The following SSBP3 variants were observed in gnomAD, a reference collection of about 807,000 sequenced individuals.
SSBP3 encodes single stranded DNA binding protein 3.
A neutral mutation model predicts 69.6 loss-of-function variants in SSBP3; 5 were observed. The observed-to-expected ratio is 0.07, with a 90% confidence interval of 0.04 to 0.15. The LOEUF is 0.15. SSBP3 is among the 10% of genes least tolerant of loss of function. SSBP3 has a pLI of 1.00. For synonymous variants in SSBP3, 196 were observed against 193.4 expected, an observed-to-expected ratio of 1.01 and a Z score of -0.11; for missense variants, 312 against 534.0, an observed-to-expected ratio of 0.58 and a Z score of 4.10.
intron 4 of SSBP3, among the ~76,000 whole-genome samples, chr1:54,350,042 A>G (rs933789032): frequency 1.3e-5 from 2 of 152,020 alleles, no homozygotes; most frequent in African/African-American, 4.8e-5. Flanking sequence ...TTCCACCTCT[A>G]TTGGCTGTGC....
chr1:54,406,146 C>T, exon 1 of SSBP3: 1 of 599,726 alleles, frequency 1.7e-6, no homozygotes, highest in Non-Finnish European at 2.6e-6. Flanking sequence ...GCGCTCTCCT[C>T]GCCGCGCTCC....
At chr1:54,332,590 G>A (rs922140159) in intron 4 of SSBP3, among the ~76,000 whole-genome samples, 1 of 152,126 alleles carries the variant, frequency 6.6e-6, no homozygotes, top group Non-Finnish European at 1.5e-5. Flanking sequence ...CTAGCTATGT[G>A]GCCTCTAAGA....
intron 5 of SSBP3, among the ~76,000 whole-genome samples, chr1:54,266,111 G>T (rs887321183): frequency 6.6e-6 from 1 of 152,226 alleles, no homozygotes; most frequent in African/African-American, 2.4e-5. Context: ...GCTTGCCAGC[G>T]CCTCTTTCTC....
intron 4 of SSBP3, among the ~76,000 whole-genome samples, chr1:54,369,320 C>T (rs559049068): frequency 3.7e-4 from 46 of 122,746 alleles, no homozygotes; most frequent in African/African-American, 1.7e-3. Flanking sequence ...GGTGGGGGGG[C>T]ACAAACTGGG....
Position 54,241,061 on chromosome 1 carries a change from G to T in SSBP3, c.802-102C>A. The T allele has an allele frequency of 4.0e-6, 5 of 1,258,842 alleles. No individual in the cohort carries two copies. In the South Asian group the frequency reaches 7.2e-5, roughly 18 times the overall value. 78.0% of individuals were successfully genotyped at this position (1,258,842 alleles called of 1,614,324 possible). A position where few individuals can be genotyped will look rare whatever the true frequency, so the allele number is the denominator to read the frequency against. The stretch of plus-strand genomic sequence containing the variant: ...TGGTCAGCAGCAACTGCTCGCCCCA[G>T]GCCCAGCCGCTATTCATCTTGCTAC... On this transcript the variant is annotated intron_variant, in intron 12 of 17. Transcript: ENST00000610401.
At chr1:54,379,911 C>T (rs1484768376) in intron 4 of SSBP3, among the ~76,000 whole-genome samples, 1 of 152,232 alleles carries the variant, frequency 6.6e-6, no homozygotes. Context: ...ACGAGGCTTT[C>T]ACTCTGTGCC....
chr1:54,359,000 C>T (rs1037580124), intron 4 of SSBP3, among the ~76,000 whole-genome samples: 4 of 152,050 alleles, frequency 2.6e-5, no homozygotes, highest in African/African-American at 9.7e-5. Context: ...CAACTCCAGG[C>T]GCTTCAAAGG....
chr1:54,304,281 A>G (rs1303281978), intron 4 of SSBP3, among the ~76,000 whole-genome samples: 1 of 152,096 alleles, frequency 6.6e-6, no homozygotes, highest in Non-Finnish European at 1.5e-5. Context: ...CCATGCTGAA[A>G]AGGGAGCTGG....
At chr1:54,233,159 A>C (rs1451393098) in intron 14 of SSBP3, among the ~76,000 whole-genome samples, 4 of 120,544 alleles carry the variant, frequency 3.3e-5, no homozygotes, top group East Asian at 2.6e-4. Flanking sequence ...GGCCGCCATC[A>C]CATCTAGGAA....
chr1:54,269,186 A>G (rs1645151976), intron 5 of SSBP3, among the ~76,000 whole-genome samples: 1 of 152,126 alleles, frequency 6.6e-6, no homozygotes, highest in Non-Finnish European at 1.5e-5. Context: ...TACAACACGT[A>G]AGCTGTCCTA....
intron 4 of SSBP3, among the ~76,000 whole-genome samples, chr1:54,283,815 C>T (rs1256075081): frequency 1.3e-5 from 2 of 152,234 alleles, no homozygotes; most frequent in African/African-American, 4.8e-5. Context: ...AGGCCCCTGC[C>T]TTGCCCCTGC....
intron 9 of SSBP3, among the ~76,000 whole-genome samples, chr1:54,250,279 T>C (rs61776473): frequency 7.2e-5 from 11 of 152,204 alleles, no homozygotes; most frequent in Non-Finnish European, 1.3e-4. Context: ...TTTAGGATTA[T>C]GGGGCTGGCA....
At chr1:54,291,144 C>A (rs1026306295) in intron 4 of SSBP3, among the ~76,000 whole-genome samples, 1 of 140,734 alleles carries the variant, frequency 7.1e-6, no homozygotes, top group Non-Finnish European at 1.6e-5. Context: ...GAAAACCACC[C>A]GCTTCTAGAA....
In SSBP3 at chr1:54,251,783, G is replaced by A. The variant is rs759621999; in HGVS notation, c.574+11C>T. 1.9e-5 allele frequency: 31 copies of A among 1,610,678 alleles called. 1 individual carries two copies. In the South Asian group the frequency reaches 3.3e-4, roughly 17 times the overall value. On this transcript the variant is annotated intron_variant, in intron 8 of 17. Transcript: ENST00000610401. ...TCCCCAGCCACCCTAGGCCCACCCTGCCCTCTCTACCTTGTTGTCGTGTGG... is the reference window on the plus strand; with the variant it reads ...TCCCCAGCCACCCTAGGCCCACCCTACCCTCTCTACCTTGTTGTCGTGTGG...
At chr1:54,380,016 C>T (rs1213066432) in intron 4 of SSBP3, among the ~76,000 whole-genome samples, 2 of 152,142 alleles carry the variant, frequency 1.3e-5, no homozygotes, top group South Asian at 2.1e-4. Flanking sequence ...CCTCTGTTAG[C>T]GGAAAGAGCC....
At chr1:54,343,182 T>A (rs4361936) in intron 4 of SSBP3, among the ~76,000 whole-genome samples, 2 of 152,296 alleles carry the variant, frequency 1.3e-5, no homozygotes, top group African/African-American at 4.8e-5. Flanking sequence ...CCGCTTTTCA[T>A]ATTGCTACTA....
Position 54,394,195 on chromosome 1 carries a change from G to GC in SSBP3, c.276+7665dup, listed in dbSNP as rs571176702. 4.5e-4 allele frequency among the ~76,000 whole-genome samples: 68 copies of GC among 152,340 alleles called. 1 individual carries two copies. The South Asian group carries it at 0.013, about 29-fold the overall frequency. ...GCATCCTGGACTATTGATTAGGCTT[G>GC]CAGGCAGGTTTGAGTTCTACTGGAA... On this transcript the variant is annotated intron_variant, in intron 4 of 17. Coordinates refer to ENST00000610401, the Ensembl canonical transcript of SSBP3.
intron 5 of SSBP3, among the ~76,000 whole-genome samples, chr1:54,266,906 C>T (rs745528633): frequency 9.9e-5 from 15 of 152,208 alleles, no homozygotes; most frequent in African/African-American, 2.9e-4. Context: ...CAAAACCCAG[C>T]GCTCACGTCC....
intron 17 of SSBP3, among the ~76,000 whole-genome samples, chr1:54,227,649 C>A (rs566345876): frequency 2.6e-5 from 4 of 152,162 alleles, no homozygotes; most frequent in Non-Finnish European, 5.9e-5. Flanking sequence ...GCGATCAAGG[C>A]TTACAGCAGC....
Sources: gnomAD v4.1 joint callset for allele counts (sites outside exome capture counted in the v4.1 genomes callset) on GRCh38, gnomAD v4.1.1 for gene constraint, MANE v1.5 for transcripts, NCBI Gene and HGNC (gene_info 2026-07-23, HGNC 2026-07-21) for gene names.